Variants in RBM19 observed in about 807,000 individuals in gnomAD.
The protein encoded by RBM19 is probable RNA-binding protein 19.
In RBM19, 94 loss-of-function variants were observed where a neutral mutation model predicts 116.8. That is an observed-to-expected ratio of 0.80 (90% CI 0.68 to 0.95). The LOEUF is 0.95. RBM19 is among the 40% of genes least tolerant of loss of function. The pLI, the probability that RBM19 is intolerant of heterozygous loss-of-function variation, is 0.00. For missense variants in RBM19, 1,161 were observed against 1,220.7 expected (o/e 0.95, Z 0.73); for synonymous variants, 475 against 494.1 (o/e 0.96, Z 0.51).
intron 1 of RBM19, among the ~76,000 whole-genome samples, chr12:113,964,426 C>A (rs1195287524): frequency 1.3e-5 from 2 of 152,172 alleles, no homozygotes; most frequent in Non-Finnish European, 2.9e-5. Flanking sequence ...TTTTATTATT[C>A]TTTCATTCAT....
intron 19 of RBM19, among the ~76,000 whole-genome samples, chr12:113,920,230 C>T (rs75576307): frequency 0.043 from 6,509 of 152,172 alleles, 349 homozygotes; most frequent in Admixed American, 0.16. Flanking sequence ...AGCCTAAGTG[C>T]CCCACCTCCA....
intron 21 of RBM19, among the ~76,000 whole-genome samples, chr12:113,895,821 T>C (rs1881280448): frequency 6.7e-6 from 1 of 150,204 alleles, no homozygotes; most frequent in South Asian, 2.1e-4. Flanking sequence ...GGATATATAC[T>C]ATATATCTAT....
chr12:113,836,987 T>C (rs547572174), intron 23 of RBM19, among the ~76,000 whole-genome samples: 872 of 85,216 alleles, frequency 0.01, 49 homozygotes, highest in African/African-American at 0.051. Context: ...TCCTCCTACT[T>C]ACTACATACA....
chr12:113,871,866 C>T (rs1343982385), intron 21 of RBM19, among the ~76,000 whole-genome samples: 2 of 152,042 alleles, frequency 1.3e-5, no homozygotes, highest in African/African-American at 4.8e-5. Context: ...CGGACGGGCC[C>T]CGCGGGGCCG....
At chr12:113,946,601 G>T in intron 11 of RBM19, 126 bp from the exon 12 acceptor site, 1 of 1,302,994 alleles carries the variant, frequency 7.7e-7, no homozygotes, top group Non-Finnish European at 1.1e-6. Context: ...CCAGAGGGTG[G>T]GAGGGAGGTC....
chr12:113,873,765 G>A (rs1202403512), intron 21 of RBM19, among the ~76,000 whole-genome samples: 1 of 152,108 alleles, frequency 6.6e-6, no homozygotes, highest in African/African-American at 2.4e-5. Flanking sequence ...TTTTCAGAGG[G>A]CTGATACTTA....
chr12:113,837,612 C>T (rs1345975546), intron 23 of RBM19, among the ~76,000 whole-genome samples: 1 of 152,192 alleles, frequency 6.6e-6, no homozygotes, highest in African/African-American at 2.4e-5. Context: ...CCTGAGGTCA[C>T]AGAACGGGTA....
intron 21 of RBM19, among the ~76,000 whole-genome samples, chr12:113,891,644 G>C (rs1459596704): frequency 6.6e-6 from 1 of 152,096 alleles, no homozygotes; most frequent in Non-Finnish European, 1.5e-5. Context: ...AGGCTTAGAG[G>C]CCCTTAAAAA....
At chr12:113,950,061 C>G (rs765690299) in intron 9 of RBM19, 22 bp downstream of exon 9, 1 of 1,567,014 alleles carries the variant, frequency 6.4e-7, no homozygotes, top group Non-Finnish European at 8.8e-7. Context: ...ACAGAGAGAG[C>G]ACATGGCCAG....
chr12:113,825,365 G>A lies in RBM19; in HGVS notation c.2786-2044C>T, dbSNP rs189971579. Among the ~76,000 whole-genome samples the A allele has an allele frequency of 1.4e-4, 22 of 152,294 alleles. No individual in the cohort carries two copies. The highest frequency in any genetic ancestry group is 1.8e-4 in the Non-Finnish European group (12 of 68,020). On this transcript the variant is annotated intron_variant, in intron 23 of 23. Transcript: ENST00000261741. The surrounding 1 kb of genome is among the most constrained non-coding windows in gnomAD (Gnocchi z 5.7). ...CTGGGGTGGTGGGGGCTGGCGGCCC[G>A]GGGCTCGGACTCCGGCTTCCTCTCC... is the stretch of plus-strand genomic sequence containing the variant.
chr12:113,835,937 G>C (rs1430246530), intron 23 of RBM19, among the ~76,000 whole-genome samples: 1 of 152,200 alleles, frequency 6.6e-6, no homozygotes, highest in Non-Finnish European at 1.5e-5. Flanking sequence ...TAAAACACAG[G>C]GTTCTGCGCA....
chr12:113,928,417 TACACACACACAC>T lies in RBM19; in HGVS notation c.2069-1200_2069-1189del, dbSNP rs3066401. On this transcript the variant is annotated intron_variant, in intron 16 of 23. Transcript: ENST00000261741. ...ATTTATGAGAAAACATACATGTGCATACACACACACACACACACACACACACACACACACAGT... is the reference window on the plus strand; with the variant it reads ...ATTTATGAGAAAACATACATGTGCATACACACACACACACACACACACAGT... 6.3e-3 allele frequency among the ~76,000 whole-genome samples: 865 copies of T among 136,336 alleles called. 8 individuals carry two copies. Among genetic ancestry groups the T allele is most frequent in the African/African-American group, 0.021 (773 of 37,608 alleles). 89.4% of individuals were successfully genotyped at this position (136,336 alleles called of 152,430 possible).
chr12:113,819,792 G>A (rs1328345468), downstream of RBM19, among the ~76,000 whole-genome samples: 3 of 152,192 alleles, frequency 2.0e-5, no homozygotes, highest in Non-Finnish European at 4.4e-5. Context: ...CTTCTCCAAA[G>A]GAAGAAGAGA....
intron 23 of RBM19, among the ~76,000 whole-genome samples, chr12:113,826,750 G>A (rs1874893802): frequency 6.6e-6 from 1 of 152,210 alleles, no homozygotes; most frequent in African/African-American, 2.4e-5. Context: ...CTCAGTCGAT[G>A]GTGCTGAGAC....
At chr12:113,886,862 C>T (rs1338644326) in intron 21 of RBM19, among the ~76,000 whole-genome samples, 2 of 152,146 alleles carry the variant, frequency 1.3e-5, no homozygotes, top group Non-Finnish European at 2.9e-5. Context: ...AGCCCAAGGA[C>T]AGACGGGTCT....
intron 21 of RBM19, 34 bp downstream of exon 21, chr12:113,914,935 C>T (rs747305729): frequency 5.3e-5 from 84 of 1,573,810 alleles, no homozygotes; most frequent in Non-Finnish European, 6.8e-5. Flanking sequence ...CCCGCCCACA[C>T]GCCAGTCCCC....
In RBM19 at chr12:113,920,622, T is replaced by C; in HGVS notation, c.2374A>G (p.Lys792Glu). 1 of 1,614,038 alleles carries C rather than the reference T, an allele frequency of 6.2e-7. No homozygotes were observed. The highest frequency in any genetic ancestry group is 8.5e-7 in the Non-Finnish European group (1 of 1,179,934). ...RKPEQAQKAL[K>E]QLQGHVVDGH... The stretch of plus-strand genomic sequence containing the variant: ...AATCTTCACTTTACCTGGAGCTGCT[T>C]GAGAGCTTTCTGGGCTTGCTCCGGC... The change falls in exon 19 of 24, where the codon AAG becomes GAG. Residue 792 changes from lysine (K) to glutamate (E), a missense_variant. Coordinates refer to ENST00000261741, the MANE Select transcript of RBM19 (RefSeq NM_016196.4).
chr12:113,836,662 C>T (rs932925107), intron 23 of RBM19, among the ~76,000 whole-genome samples: 2 of 152,044 alleles, frequency 1.3e-5, no homozygotes, highest in African/African-American at 2.4e-5. Context: ...TCCTCCTTCT[C>T]CTCATGGCAC....
intron 21 of RBM19, among the ~76,000 whole-genome samples, chr12:113,897,702 G>A (rs189224787): frequency 4.6e-5 from 7 of 152,324 alleles, no homozygotes; most frequent in South Asian, 2.1e-4. Flanking sequence ...ATGTTTGGTC[G>A]TGCAGGTTGA....
Sources: allele counts gnomAD v4.1 joint callset (sites outside exome capture counted in the v4.1 genomes callset), GRCh38; gene constraint gnomAD v4.1.1; non-coding constraint Gnocchi (gnomAD v3.1); transcripts MANE v1.5; gene names NCBI Gene and HGNC (gene_info 2026-07-23, HGNC 2026-07-21).